The following FOXJ3 variants were observed in gnomAD, a reference collection of about 807,000 sequenced individuals.
The protein encoded by FOXJ3 is forkhead box protein J3.
Under a neutral mutation model 76.1 loss-of-function variants are expected in FOXJ3, and 22 were observed. That is an observed-to-expected ratio of 0.29 (90% confidence interval 0.21 to 0.41). FOXJ3 has a LOEUF of 0.41. Ranked by LOEUF, FOXJ3 falls within the 10% of genes least tolerant of loss-of-function variation. FOXJ3 has a pLI of 1.00. For synonymous variants in FOXJ3, 269 were observed against 261.2 expected, an observed-to-expected ratio of 1.03 and a Z score of -0.29; for missense variants, 613 against 762.1, an observed-to-expected ratio of 0.80 and a Z score of 2.30.
chr1:42,323,436 G>A, intron 1 of FOXJ3, among the ~76,000 whole-genome samples: 1 of 152,096 alleles, frequency 6.6e-6, no homozygotes, highest in African/African-American at 2.4e-5. Flanking sequence ...TTAATATCCT[G>A]GAGGATAGTG....
At chr1:42,324,467 ATTAAGT>A (rs1655710130) in intron 1 of FOXJ3, among the ~76,000 whole-genome samples, 1 of 151,068 alleles carries the variant, frequency 6.6e-6, no homozygotes, top group African/African-American at 2.4e-5. Context: ...AATTCTCAAA[ATTAAGT>A]TTAAACACGC....
chr1:42,235,987 C>A (rs553398775), intron 4 of FOXJ3, among the ~76,000 whole-genome samples: 1 of 152,114 alleles, frequency 6.6e-6, no homozygotes, highest in Non-Finnish European at 1.5e-5. Flanking sequence ...CCACACCCGG[C>A]CATCTAAGAA....
At chr1:42,281,865 T>C (rs1652741097) in intron 2 of FOXJ3, among the ~76,000 whole-genome samples, 1 of 151,888 alleles carries the variant, frequency 6.6e-6, no homozygotes, top group Admixed American at 6.6e-5. Flanking sequence ...TTGAGACCAG[T>C]CTGACCAACA....
chr1:42,222,040 G>GAGGAGGAGAAGAAGA (rs1647216669), intron 5 of FOXJ3, among the ~76,000 whole-genome samples: 1 of 9,092 alleles, frequency 1.1e-4, no homozygotes. Context: ...GGAGGAGAAG[G>GAGGAGGAGAAGAAGA]AGAAGGAGAA....
chr1:42,315,369 A>C, intron 1 of FOXJ3: 2 of 966,184 alleles, frequency 2.1e-6, no homozygotes, highest in Non-Finnish European at 2.5e-6. Flanking sequence ...TAATTTTTTT[A>C]AAGGTACTGT....
intron 4 of FOXJ3, among the ~76,000 whole-genome samples, chr1:42,264,674 T>C (rs1651332790): frequency 1.3e-5 from 2 of 152,112 alleles, no homozygotes; most frequent in Admixed American, 1.3e-4. Flanking sequence ...AAAAATGCAG[T>C]GGTGTCAGGA....
intron 2 of FOXJ3, among the ~76,000 whole-genome samples, chr1:42,297,558 A>G (rs1653867493): frequency 6.6e-6 from 1 of 152,208 alleles, no homozygotes; most frequent in Non-Finnish European, 1.5e-5. Flanking sequence ...TATGTGGTGA[A>G]TCATGTTTAT....
chr1:42,235,218 T>A (rs1168751190), intron 4 of FOXJ3, among the ~76,000 whole-genome samples: 1 of 152,166 alleles, frequency 6.6e-6, no homozygotes, highest in Non-Finnish European at 1.5e-5. Flanking sequence ...CGGGATATAA[T>A]CTCCTGGTGT....
chr1:42,281,200 T>TAA (rs3835689), intron 2 of FOXJ3, among the ~76,000 whole-genome samples: 3 of 151,772 alleles, frequency 2.0e-5, no homozygotes, highest in East Asian at 1.9e-4. Context: ...TATGTTACAG[T>TAA]AAAAAATAAA....
chr1:42,189,282 T>A, intron 10 of FOXJ3, 21 bp downstream of exon 10: 1 of 1,501,692 alleles, frequency 6.7e-7, no homozygotes, highest in Non-Finnish European at 9.3e-7. Flanking sequence ...TGGTTATATG[T>A]CAAAAAGAAC....
intron 4 of FOXJ3, among the ~76,000 whole-genome samples, chr1:42,243,021 A>T (rs1469611925): frequency 6.6e-6 from 1 of 152,200 alleles, no homozygotes; most frequent in Non-Finnish European, 1.5e-5. Flanking sequence ...AGACCAGGAG[A>T]GAATGGGATG....
At chr1:42,271,716 A>G (rs1444084521) in intron 3 of FOXJ3, among the ~76,000 whole-genome samples, 2 of 151,952 alleles carry the variant, frequency 1.3e-5, no homozygotes, top group South Asian at 2.1e-4. Flanking sequence ...TGGCATGATC[A>G]TAACTCACTG....
At chr1:42,246,461 A>C (rs1310108593) in intron 4 of FOXJ3, among the ~76,000 whole-genome samples, 5 of 152,206 alleles carry the variant, frequency 3.3e-5, no homozygotes, top group African/African-American at 1.2e-4. Context: ...AAGGAAATGC[A>C]AATCAAAACC....
chr1:42,216,289 C>T (rs545089144), intron 5 of FOXJ3, among the ~76,000 whole-genome samples: 76 of 151,930 alleles, frequency 5.0e-4, no homozygotes, highest in African/African-American at 1.6e-3. Context: ...GAGGCCGAGG[C>T]GGGCGGATCA....
At chr1:42,287,361 C>T (rs927727845) in intron 2 of FOXJ3, among the ~76,000 whole-genome samples, 2 of 151,904 alleles carry the variant, frequency 1.3e-5, no homozygotes, top group African/African-American at 4.8e-5. Flanking sequence ...AAAGTTTTAA[C>T]AAGCTGATCT....
At chr1:42,292,112 G>A (rs973904159) in intron 2 of FOXJ3, among the ~76,000 whole-genome samples, 2 of 152,014 alleles carry the variant, frequency 1.3e-5, no homozygotes, top group Admixed American at 6.5e-5. Context: ...CTAAAGAGGG[G>A]TTGCAAAGAA....
chr1:42,233,949 ATTATT>A (rs1648366608), intron 4 of FOXJ3, among the ~76,000 whole-genome samples: 1 of 151,930 alleles, frequency 6.6e-6, no homozygotes, highest in Non-Finnish European at 1.5e-5. Context: ...GACAGCTCTT[ATTATT>A]TTGAGATATG....
At chr1:42,245,095 G>A (rs189460996) in intron 4 of FOXJ3, among the ~76,000 whole-genome samples, 342 of 149,008 alleles carry the variant, frequency 2.3e-3, no homozygotes, top group Non-Finnish European at 3.8e-3. Context: ...CAGGAGAATC[G>A]CTTGAACCCA....
chr1:42,225,837 C>T (rs751490825), intron 5 of FOXJ3, among the ~76,000 whole-genome samples: 26 of 152,060 alleles, frequency 1.7e-4, no homozygotes, highest in Non-Finnish European at 2.8e-4. Context: ...TATAAAACTG[C>T]CAATACAGTC....
Sources: allele counts gnomAD v4.1 joint callset (sites outside exome capture counted in the v4.1 genomes callset), GRCh38; gene constraint gnomAD v4.1.1; transcripts MANE v1.5; gene names NCBI Gene and HGNC (gene_info 2026-07-23, HGNC 2026-07-21).